The following MTMR6 variants were observed in gnomAD, a reference collection of about 807,000 sequenced individuals.
MTMR6 encodes the protein myotubularin related protein 6.
Under a neutral mutation model 80.1 loss-of-function variants are expected in MTMR6, and 47 were observed. The observed-to-expected ratio is 0.59, with a 90% CI of 0.46 to 0.75. The LOEUF is 0.75. MTMR6 is among the 30% of genes least tolerant of loss of function. The pLI, the probability that MTMR6 is intolerant of heterozygous loss-of-function variation, is 0.00. For synonymous variants in MTMR6, 254 were observed against 253.0 expected (o/e 1.00, Z -0.04); for missense variants, 629 against 730.9 (o/e 0.86, Z 1.61).
At chr13:25,287,185 G>C in intron 1 of MTMR6, 39 bp downstream of exon 1, 1 of 1,583,820 alleles carries the variant, frequency 6.3e-7, no homozygotes, top group Admixed American at 1.7e-5. Flanking sequence ...CCGGGTCAGA[G>C]CAGGGCCCCT....
intron 1 of MTMR6, among the ~76,000 whole-genome samples, chr13:25,282,869 G>C (rs1006185769): frequency 6.6e-6 from 1 of 151,978 alleles, no homozygotes; most frequent in African/African-American, 2.4e-5. Context: ...ACCTCCCAAA[G>C]TGCTAGGATT....
chr13:25,260,255 G>A (rs2137545565), intron 6 of MTMR6, among the ~76,000 whole-genome samples: 1 of 149,870 alleles, frequency 6.7e-6, no homozygotes, highest in Non-Finnish European at 1.5e-5. Context: ...CACAACCTCC[G>A]CCTCCCAGGT....
intron 3 of MTMR6, 72 bp downstream of exon 3, chr13:25,267,707 A>C (rs1430897409): frequency 7.7e-6 from 11 of 1,430,946 alleles, no homozygotes; most frequent in East Asian, 7.0e-5. Context: ...ACAATAATAA[A>C]ACATTAAATA....
rs534788258 is a variant in MTMR6 at position 25,260,969 on chromosome 13, A to G, written c.726+699T>C. Reference sequence around the variant, plus strand: ...TCAAGCTAAAATCCATTATTTTAGCATAAAAATGTTTTGTCAATTGAAAAT... The same window carrying G: ...TCAAGCTAAAATCCATTATTTTAGCGTAAAAATGTTTTGTCAATTGAAAAT... On this transcript the variant is annotated intron_variant, in intron 6 of 13. Coordinates refer to ENST00000381801, the MANE Select transcript of MTMR6 (RefSeq NM_004685.5). 2.5e-3 allele frequency among the ~76,000 whole-genome samples: 374 copies of G among 152,242 alleles called. 2 individuals are homozygous for G. The highest frequency in any genetic ancestry group is 4.2e-3 in the Non-Finnish European group (284 of 68,014).
chr13:25,274,973 C>CACACACACACACACAT (rs1566042757), intron 1 of MTMR6, among the ~76,000 whole-genome samples: 4 of 139,012 alleles, frequency 2.9e-5, no homozygotes, highest in African/African-American at 1.2e-4. Context: ...CACACACACA[C>CACACACACACACACAT]ACACACACAC....
Position 25,287,218 on chromosome 13 carries a change from G to T in MTMR6, c.24+6C>A. On this transcript the variant is annotated splice_donor_region_variant and intron_variant, in intron 1 of 13. Transcript: ENST00000381801. ...CCTGAAGACTGGCGATCCCGCGCCC[G>T]ACTACCTTGGTCGTCCGGATATGCT... The T allele has an allele frequency of 6.3e-7, 1 of 1,596,784 alleles. No individual in the cohort carries two copies. Among genetic ancestry groups the T allele is most frequent in the Non-Finnish European group, 8.5e-7 (1 of 1,174,470 alleles).
intron 9 of MTMR6, among the ~76,000 whole-genome samples, chr13:25,255,865 C>A (rs953480460): frequency 2.0e-5 from 3 of 152,140 alleles, no homozygotes; most frequent in Non-Finnish European, 4.4e-5. Context: ...ATCACCTCCC[C>A]CTTCACTTGT....
At position 25,253,829 on chromosome 13, in the gene MTMR6, C is replaced by T. The variant is rs1278294495; in HGVS notation, c.1281G>A (p.Glu427=). Residue 427 remains glutamate, a synonymous_variant, in exon 11 of 14, where the codon GAG becomes GAA. Coordinates refer to ENST00000381801, the MANE Select transcript of MTMR6 (RefSeq NM_004685.5). ...TTCCAAACTGGCATGAATGAATATGCTCATGGATCTGAAGAAGAAATGCTT... is the reference window on the plus strand; with the variant it reads ...TTCCAAACTGGCATGAATGAATATGTTCATGGATCTGAAGAAGAAATGCTT... ...FSEAFLLQIH[E]HIHSCQFGNF... 2.5e-6 allele frequency: 4 copies of T among 1,613,932 alleles called. No homozygotes were observed. The Admixed American group carries it at 5.0e-5, about 20-fold the overall frequency.
At chr13:25,282,115 G>A (rs901704280) in intron 1 of MTMR6, among the ~76,000 whole-genome samples, 1 of 152,120 alleles carries the variant, frequency 6.6e-6, no homozygotes, top group Admixed American at 6.5e-5. Context: ...AACCAGGCAT[G>A]CCCTCAAAGG....
chr13:25,261,814 A>C lies in MTMR6; in HGVS notation c.592-12T>G, dbSNP rs774415938. ...CGACAAATGGCAGCCTATTTTTTAA[A>C]GGACAGAAAAGAGATTATGCAAAGA... On this transcript the variant is annotated splice_polypyrimidine_tract_variant and intron_variant, in intron 5 of 13. Coordinates refer to ENST00000381801, the MANE Select transcript of MTMR6 (RefSeq NM_004685.5). 2 of 1,606,656 alleles carry C rather than the reference A, an allele frequency of 1.2e-6. No individual in the cohort carries two copies. Among genetic ancestry groups the C allele is most frequent in the Non-Finnish European group, 8.5e-7 (1 of 1,176,258 alleles).
At position 25,249,205 on chromosome 13, in the gene MTMR6, A is replaced by G. The variant is rs1566033066; in HGVS notation, c.*27T>C. Reference sequence around the variant, plus strand: ...CACAATAATCCTTTTCTTGTACTGCAATCATTGCAGAAAAAACTCTATGAG... The same window carrying G: ...CACAATAATCCTTTTCTTGTACTGCGATCATTGCAGAAAAAACTCTATGAG... On this transcript the variant is annotated 3_prime_UTR_variant, in exon 14 of 14. Transcript: ENST00000381801. The G allele has an allele frequency of 6.2e-7, 1 of 1,604,554 alleles. No individual in the cohort carries two copies.
At chr13:25,274,244 GT>G in intron 1 of MTMR6, 57 bp from the exon 2 acceptor site, 1 of 1,200,182 alleles carries the variant, frequency 8.3e-7, no homozygotes, top group Non-Finnish European at 1.2e-6. Flanking sequence ...TTATTTTTCT[GT>G]TAGCCCAGGA....
At chr13:25,257,351 GT>G (rs762686792) in intron 8 of MTMR6, 30 bp from the exon 9 acceptor site, 1 of 1,607,168 alleles carries the variant, frequency 6.2e-7, no homozygotes, top group South Asian at 1.1e-5. Context: ...ACATTCTAGC[GT>G]ACTTTAAGGT....
At position 25,252,093 on chromosome 13, in the gene MTMR6, T is replaced by C; in HGVS notation, c.1347-109A>G. 7.9e-6 allele frequency: 10 copies of C among 1,261,928 alleles called. No individual in the cohort carries two copies. The South Asian group carries it at 1.4e-4, about 17-fold the overall frequency. 78.2% of individuals were successfully genotyped at this position (1,261,928 alleles called of 1,614,324 possible). A position where few individuals can be genotyped will look rare whatever the true frequency, so the allele number is the denominator to read the frequency against. On this transcript the variant is annotated intron_variant, in intron 11 of 13. Transcript: ENST00000381801. ...TGGCTTCCGAAGCAGATTTAAATTT[T>C]AGTTTTTTCTTGTATTCACAGTCTA...
chr13:25,279,065 T>A (rs1957787297), intron 1 of MTMR6, among the ~76,000 whole-genome samples: 1 of 152,174 alleles, frequency 6.6e-6, no homozygotes, highest in South Asian at 2.1e-4. Context: ...TTTCTTTATC[T>A]CTAAAATAAG....
intron 3 of MTMR6, 128 bp downstream of exon 3, chr13:25,267,651 T>TA: frequency 1.2e-6 from 1 of 852,804 alleles, no homozygotes; most frequent in South Asian, 2.0e-5. Context: ...ATGGGGGAGA[T>TA]AGAGTACAAA....
At chr13:25,263,685 G>A (rs1002968861) in intron 5 of MTMR6, among the ~76,000 whole-genome samples, 2 of 152,064 alleles carry the variant, frequency 1.3e-5, no homozygotes, top group Non-Finnish European at 2.9e-5. Flanking sequence ...TCAGGAGTTC[G>A]AAACCATCCT....
At chr13:25,257,059 C>T in intron 9 of MTMR6, 137 bp downstream of exon 9, 1 of 955,230 alleles carries the variant, frequency 1.0e-6, no homozygotes, top group Admixed American at 3.0e-5. Flanking sequence ...TTAGCAATAT[C>T]CCTGGCCACT....
intron 5 of MTMR6, among the ~76,000 whole-genome samples, chr13:25,265,065 G>A (rs1475776024): frequency 6.6e-6 from 1 of 152,122 alleles, no homozygotes; most frequent in Non-Finnish European, 1.5e-5. Flanking sequence ...ACTAATATAA[G>A]CAACCCTTAT....
Sources: gnomAD v4.1 joint callset for allele counts (sites outside exome capture counted in the v4.1 genomes callset) on GRCh38, gnomAD v4.1.1 for gene constraint, MANE v1.5 for transcripts, NCBI Gene and HGNC (gene_info 2026-07-23, HGNC 2026-07-21) for gene names.